UGT2B7: variants seen among roughly 807,000 people sequenced by gnomAD.
The protein encoded by UGT2B7 is UDP-glucuronosyltransferase 2B7.
Under a neutral mutation model 51.9 loss-of-function variants are expected in UGT2B7, and 51 were observed. The ratio of observed to expected loss-of-function variants is 0.98; its 90% confidence interval spans 0.78 to 1.24. The LOEUF is 1.24. Among genes scored for constraint, UGT2B7 ranks in the 50% most tolerant of loss-of-function variants. The probability of loss-of-function intolerance (pLI) is 0.00; values close to 1 mark genes in which losing one functional copy is unlikely to be tolerated. For synonymous variants in UGT2B7, 225 were observed against 211.6 expected, an observed-to-expected ratio of 1.06 and a Z score of -0.55; for missense variants, 727 against 628.4, an observed-to-expected ratio of 1.16 and a Z score of -1.68.
chr4:69,075,677 C>T (rs1174559967), intron 1 of UGT2B7, among the ~76,000 whole-genome samples: 2 of 151,994 alleles, frequency 1.3e-5, no homozygotes, highest in African/African-American at 4.8e-5. Flanking sequence ...ACCCAACACT[C>T]AGGCTATGGG....
At chr4:69,052,906 G>T (rs140589749) in intron 1 of UGT2B7, among the ~76,000 whole-genome samples, 23,003 of 151,886 alleles carry the variant, frequency 0.15, 1,949 homozygotes, top group Non-Finnish European at 0.18. Context: ...TACATTAAAA[G>T]GTTAAAAAAA....
At chr4:69,061,132 C>A (rs188525293) in intron 1 of UGT2B7, among the ~76,000 whole-genome samples, 5 of 152,268 alleles carry the variant, frequency 3.3e-5, no homozygotes, top group Non-Finnish European at 5.9e-5. Context: ...AACTGCCTCT[C>A]AGAAAGCAAA....
upstream of UGT2B7, among the ~76,000 whole-genome samples, chr4:69,095,277 G>T (rs569370275): frequency 2.0e-5 from 3 of 152,290 alleles, no homozygotes; most frequent in Non-Finnish European, 4.4e-5. Context: ...ATCATAGATG[G>T]TGATAGGCTG....
At chr4:69,060,044 C>T (rs1489040698) in intron 1 of UGT2B7, among the ~76,000 whole-genome samples, 2 of 152,224 alleles carry the variant, frequency 1.3e-5, no homozygotes, top group African/African-American at 4.8e-5. Flanking sequence ...CTCCTACAAT[C>T]TTTGAAGAGG....
intron 1 of UGT2B7, among the ~76,000 whole-genome samples, chr4:69,097,664 T>G (rs1044099670): frequency 6.6e-6 from 1 of 152,138 alleles, no homozygotes; most frequent in African/African-American, 2.4e-5. Flanking sequence ...TAAACTTGTT[T>G]TCTTATTTAG....
intron 1 of UGT2B7, among the ~76,000 whole-genome samples, chr4:69,083,855 G>A (rs35297888): frequency 0.58 from 87,278 of 150,984 alleles, 26,126 homozygotes; most frequent in African/African-American, 0.72. Context: ...CTCCCTTCCA[G>A]TGGATGACCT....
At chr4:69,079,845 C>T (rs1442190771) in intron 1 of UGT2B7, among the ~76,000 whole-genome samples, 1 of 150,864 alleles carries the variant, frequency 6.6e-6, no homozygotes, top group African/African-American at 2.5e-5. Context: ...TAATAAGGTT[C>T]TTAATCCAAT....
chr4:69,094,703 A>G (rs1308020943), upstream of UGT2B7, among the ~76,000 whole-genome samples: 1 of 152,180 alleles, frequency 6.6e-6, no homozygotes, highest in Non-Finnish European at 1.5e-5. Flanking sequence ...TAAAAATAAG[A>G]CAACAATGGC....
At chr4:69,075,108 T>A (rs1718675587) in intron 1 of UGT2B7, among the ~76,000 whole-genome samples, 2 of 152,186 alleles carry the variant, frequency 1.3e-5, no homozygotes, top group African/African-American at 4.8e-5. Flanking sequence ...ATTGTGTTTT[T>A]AATGTCCATA....
chr4:69,107,807 C>A (rs4521414), intron 4 of UGT2B7, among the ~76,000 whole-genome samples: 89,614 of 151,742 alleles, frequency 0.59, 27,834 homozygotes, highest in African/African-American at 0.77. Flanking sequence ...AATAAGAGTT[C>A]ACTTCATGCC....
chr4:69,052,700 A>G (rs554625962), intron 1 of UGT2B7, among the ~76,000 whole-genome samples: 1 of 152,164 alleles, frequency 6.6e-6, no homozygotes, highest in Admixed American at 6.5e-5. Flanking sequence ...CAAAAAGTTG[A>G]GACATGTTGA....
Position 69,102,764 on chromosome 4 carries a change from G to A in UGT2B7, c.871-43G>A, listed in dbSNP as rs143290833. 2.2e-4 allele frequency: 345 copies of A among 1,603,660 alleles called. 1 individual carries two copies. The African/African-American group carries it at 3.8e-3, about 17-fold the overall frequency. ...ACCAATTCTTTTGGTAGTGCCCGCT[G>A]TGCTAATACTCTTTTGTGATGAAGC... On this transcript the variant is annotated intron_variant, in intron 2 of 5. Coordinates refer to ENST00000305231, the MANE Select transcript of UGT2B7 (RefSeq NM_001074.4).
chr4:69,061,122 A>G lies in UGT2B7; in HGVS notation c.-159+9520A>G, dbSNP rs75337015. On this transcript the variant is annotated intron_variant, in intron 1 of 5. Transcript: ENST00000502942. ...TAGAGGCACAGTCTTTGTCTACAGG[A>G]ACTGCCTCTCAGAAAGCAAAGCTGA... Among the ~76,000 whole-genome samples, 76 of 152,346 alleles carry G rather than the reference A, an allele frequency of 5.0e-4. No homozygotes were observed. In the East Asian group the frequency reaches 0.012, roughly 24 times the overall value.
rs79259525 is a variant in UGT2B7 at position 69,087,577 on chromosome 4, T to C, written c.-158-1895T>C. ...CTTATTACATGTGAGTGTCCTTTTC[T>C]TTCCAATAAAACAATTCTCCTTTGT... On this transcript the variant is annotated intron_variant, in intron 1 of 5. Transcript: ENST00000502942. Among the ~76,000 whole-genome samples the C allele has an allele frequency of 1.1e-4, 17 of 152,156 alleles. No homozygotes were observed. In the East Asian group the frequency reaches 3.3e-3, roughly 29 times the overall value.
intron 1 of UGT2B7, among the ~76,000 whole-genome samples, chr4:69,089,150 C>T (rs1378809924): frequency 6.6e-6 from 1 of 152,056 alleles, no homozygotes; most frequent in Non-Finnish European, 1.5e-5. Flanking sequence ...GACATCACTC[C>T]TCAAGGAATA....
chr4:69,112,749 T>C lies in UGT2B7; in HGVS notation c.*13T>C. The C allele has an allele frequency of 6.2e-7, 1 of 1,613,278 alleles. No homozygotes were observed. The highest frequency in any genetic ancestry group is 1.3e-5 in the African/African-American group (1 of 74,866). ...AAAAAATGATTAGTTATATCTGAGA[T>C]TTGAAGCTGGAAAACCTGATAGGTG... On this transcript the variant is annotated 3_prime_UTR_variant, in exon 6 of 6. Coordinates refer to ENST00000305231, the MANE Select transcript of UGT2B7 (RefSeq NM_001074.4).
At position 69,112,523 on chromosome 4, in the gene UGT2B7, A is replaced by C. The variant is rs769738652; in HGVS notation, c.1377A>C (p.Arg459=). Residue 459 remains arginine, a synonymous_variant, in exon 6 of 6, where the codon CGA becomes CGC. Transcript: ENST00000305231. ...QHDQPVKPLD[R]AVFWIEFVMR... is the part of the protein sequence containing the mutation. ...ATCAACCAGTGAAGCCCCTGGATCG[A>C]GCAGTCTTCTGGATTGAATTTGTCA... The C allele has an allele frequency of 6.2e-7, 1 of 1,613,980 alleles. No homozygotes were observed. Among genetic ancestry groups the C allele is most frequent in the Non-Finnish European group, 8.5e-7 (1 of 1,179,872 alleles).
intron 1 of UGT2B7, among the ~76,000 whole-genome samples, chr4:69,064,205 G>A (rs1003402604): frequency 1.1e-4 from 16 of 152,282 alleles, no homozygotes; most frequent in African/African-American, 3.9e-4. Flanking sequence ...GCAGCAACGG[G>A]TGCAGCCCAG....
intron 1 of UGT2B7, 31 bp from the exon 2 acceptor site, chr4:69,098,509 C>A (rs1317603162): frequency 6.5e-7 from 1 of 1,547,634 alleles, no homozygotes. Flanking sequence ...TATCTTGTGT[C>A]ATCCACCTTT....
Sources: allele counts gnomAD v4.1 joint callset (sites outside exome capture counted in the v4.1 genomes callset), GRCh38; gene constraint gnomAD v4.1.1; transcripts MANE v1.5; gene names NCBI Gene and HGNC (gene_info 2026-07-23, HGNC 2026-07-21).